Variants in KIF22 observed in about 807,000 individuals in gnomAD.
KIF22 encodes kinesin-like protein KIF22.
In KIF22, 62 loss-of-function variants were observed where a neutral mutation model predicts 73.0. The ratio of observed to expected loss-of-function variants is 0.85; its 90% CI spans 0.69 to 1.05. The LOEUF is 1.05. KIF22 is among the 50% of genes least tolerant of loss of function. The pLI is 0.00. For synonymous variants in KIF22, 411 were observed against 340.1 expected, an observed-to-expected ratio of 1.21 and a Z score of -2.29; for missense variants, 854 against 870.1, an observed-to-expected ratio of 0.98 and a Z score of 0.23.
chr16:29,804,487 C>T (rs1567362739), intron 11 of KIF22: 3 of 644,844 alleles, frequency 4.7e-6, no homozygotes, highest in Non-Finnish European at 5.7e-6. Context: ...TTTTGAAAGA[C>T]AGCTTATTCT....
In KIF22 at chr16:29,804,832, C is replaced by A. The variant is rs1376835867; in HGVS notation, c.1696C>A (p.Leu566Ile). 6.2e-7 allele frequency: 1 copy of A among 1,611,626 alleles called. No homozygotes were observed. Among genetic ancestry groups the A allele is most frequent in the South Asian group, 1.1e-5 (1 of 90,688 alleles). The change falls in exon 12 of 14, where the codon CTA (leucine) becomes ATA (isoleucine). Residue 566 changes from leucine (L) to isoleucine (I), a missense_variant. By Grantham distance (5) the Leu-to-Ile change is conservative. Coordinates refer to ENST00000160827, the MANE Select transcript of KIF22 (RefSeq NM_007317.3). Reference sequence around the variant, plus strand: ...CTCCCAGCTGGAGTCCCTGGATGCCCTAGAGCCTGAGGAGAAGGCTGAGGA... The same window carrying A: ...CTCCCAGCTGGAGTCCCTGGATGCCATAGAGCCTGAGGAGAAGGCTGAGGA... Reference protein sequence around the residue: ...RKRKLESLDALEPEEKAEDCW... With the variant: ...RKRKLESLDAIEPEEKAEDCW...
Position 29,798,527 on chromosome 16 carries a change from T to A in KIF22, c.394+26T>A. On this transcript the variant is annotated intron_variant, in intron 3 of 13. Coordinates refer to ENST00000160827, the MANE Select transcript of KIF22 (RefSeq NM_007317.3). This position sits in a 1 kb window ranked among gnomAD's most constrained non-coding sequence, Gnocchi z 4.1. ...GTGAGGGAGCCAGAAAAGAAACAGC[T>A]ATGGGTCAGAAAGGGCTGGGGAAAC... 1 of 1,614,012 alleles carries A rather than the reference T, an allele frequency of 6.2e-7. No individual in the cohort carries two copies. Among genetic ancestry groups the A allele is most frequent in the Non-Finnish European group, 8.5e-7 (1 of 1,180,010 alleles).
chr16:29,803,947 G>C (rs1250932844), intron 10 of KIF22, 51 bp from the exon 11 acceptor site: 1 of 1,354,644 alleles, frequency 7.4e-7, no homozygotes, highest in East Asian at 2.3e-5. Flanking sequence ...CTACCAGGGA[G>C]GGTGAAAAGT....
At position 29,798,771 on chromosome 16, in the gene KIF22, G is replaced by A. The variant is rs766190550; in HGVS notation, c.549+24G>A. On this transcript the variant is annotated intron_variant, in intron 4 of 13. Coordinates refer to ENST00000160827, the MANE Select transcript of KIF22 (RefSeq NM_007317.3). The surrounding 1 kb of genome is among the most constrained non-coding windows in gnomAD (Gnocchi z 4.1). ...AGGTGAGGCCCCGTGCTGGTTGGGA[G>A]AGGAGCAACAAAGGGTCAAAGTAAG... 1.9e-6 allele frequency: 3 copies of A among 1,609,400 alleles called. No homozygotes were observed. The highest frequency in any genetic ancestry group is 1.7e-6 in the Non-Finnish European group (2 of 1,177,570).
At chr16:29,794,677 A>AT (rs1396292299) in intron 1 of KIF22, among the ~76,000 whole-genome samples, 1 of 151,868 alleles carries the variant, frequency 6.6e-6, no homozygotes, top group East Asian at 1.9e-4. Flanking sequence ...CACTTCCCGC[A>AT]TTCAAGCAAT....
chr16:29,805,311 CCGT>C lies in KIF22; in HGVS notation c.*6_*8del, dbSNP rs745669947. 6.2e-7 allele frequency: 1 copy of C among 1,613,116 alleles called. No individual in the cohort carries two copies. Among genetic ancestry groups the C allele is most frequent in the South Asian group, 1.1e-5 (1 of 91,088 alleles). On this transcript the variant is annotated 3_prime_UTR_variant, in exon 14 of 14. Transcript: ENST00000160827. ...CGGCCAGCGCTGTGGCGCCTCCTGA[CCGT>C]CGTCTCCTCACTCCGCCTTTTCAAA... is the stretch of plus-strand genomic sequence containing the variant.
At chr16:29,801,548 G>A (rs1373255291) in intron 8 of KIF22, among the ~76,000 whole-genome samples, 1 of 152,152 alleles carries the variant, frequency 6.6e-6, no homozygotes, top group African/African-American at 2.4e-5. Context: ...ACCCAGAAAT[G>A]TGCACAGGTA....
chr16:29,796,370 G>C (rs1260220024), intron 1 of KIF22, among the ~76,000 whole-genome samples: 2 of 150,822 alleles, frequency 1.3e-5, no homozygotes, highest in African/African-American at 4.9e-5. Context: ...TTAATCCTTA[G>C]AACAACCCTG....
intron 9 of KIF22, 102 bp downstream of exon 9, chr16:29,803,039 G>C (rs1899196826): frequency 8.4e-7 from 1 of 1,193,440 alleles, no homozygotes; most frequent in African/African-American, 1.5e-5. Context: ...CTAGAGTCCA[G>C]TTTTCTCCCA....
At chr16:29,794,076 A>G (rs1898890079) in intron 1 of KIF22, among the ~76,000 whole-genome samples, 2 of 152,210 alleles carry the variant, frequency 1.3e-5, no homozygotes. Flanking sequence ...AGTTGCTGCC[A>G]GGCACTGTGC....
chr16:29,802,806 C>G lies in KIF22; in HGVS notation c.1318C>G (p.Leu440Val). Residue 440 changes from leucine to valine, a missense_variant, in exon 9 of 14, where the codon CTG (leucine) becomes GTG (valine). Leu to Val is a conservative substitution (Grantham distance 32). This residue lies in a region of KIF22 where 423 missense variants were observed against 365.4 expected (regional missense o/e 1.16). Transcript: ENST00000160827. ...QKLSSMDPAM[L>V]ERLLSLDRLL... ...GCTAAGCAGCATGGACCCGGCCATG[C>G]TGGAGCGCCTCCTCAGCTTGGACCG... The G allele has an allele frequency of 6.2e-7, 1 of 1,605,556 alleles. No individual in the cohort carries two copies. Among genetic ancestry groups the G allele is most frequent in the Non-Finnish European group, 8.5e-7 (1 of 1,177,290 alleles).
chr16:29,805,051 G>A (rs546918554), intron 12 of KIF22, 25 bp downstream of exon 12: 3 of 1,610,618 alleles, frequency 1.9e-6, no homozygotes, highest in South Asian at 1.1e-5. Flanking sequence ...GACTGGGGGA[G>A]GGCGGGGGCG....
intron 1 of KIF22, among the ~76,000 whole-genome samples, chr16:29,796,553 T>TC (rs1424043408): frequency 2.8e-5 from 4 of 143,384 alleles, no homozygotes; most frequent in South Asian, 2.2e-4. Flanking sequence ...TCTCTCTCTC[T>TC]TTTTTTTTTT....
intron 9 of KIF22, among the ~76,000 whole-genome samples, 199 bp downstream of exon 9, chr16:29,803,136 A>G (rs1205660957): frequency 6.6e-6 from 1 of 152,122 alleles, no homozygotes; most frequent in East Asian, 1.9e-4. Context: ...GAGGGTGAGA[A>G]GAAAAAGTTC....
In KIF22 at chr16:29,797,153, C is replaced by A; in HGVS notation, c.266+65C>A. On this transcript the variant is annotated intron_variant, in intron 2 of 13. Transcript: ENST00000160827. The surrounding 1 kb of genome is among the most constrained non-coding windows in gnomAD (Gnocchi z 4.1). ...TCCCTCTCCTAGGCCTGCCCACGTT[C>A]CCCTGCCTCCCCAGGATCCTTGCTC... 1 of 1,197,456 alleles carries A rather than the reference C, an allele frequency of 8.4e-7. No individual in the cohort carries two copies. Among genetic ancestry groups the A allele is most frequent in the Non-Finnish European group, 1.2e-6 (1 of 851,702 alleles). 74.2% of individuals were successfully genotyped at this position (1,197,456 alleles called of 1,614,324 possible).
rs777593519 is a variant in KIF22 at position 29,797,010 on chromosome 16, C to T, written c.188C>T (p.Pro63Leu). 1 of 1,613,772 alleles carries T rather than the reference C, an allele frequency of 6.2e-7. No individual in the cohort carries two copies. The highest frequency in any genetic ancestry group is 8.5e-7 in the Non-Finnish European group (1 of 1,179,902). Residue 63 changes from proline (P) to leucine (L), a missense_variant, in exon 2 of 14, where the codon CCC becomes CTC. Transcript: ENST00000160827. This position sits in a 1 kb window ranked among gnomAD's most constrained non-coding sequence, Gnocchi z 4.1. ...FVDGTAGASD[P>L]PCVRGMDSCS... ...GATGGAACAGCGGGAGCAAGTGATCCCCCCTGTGTGCGGGGCATGGACAGC... is the reference window on the plus strand; with the variant it reads ...GATGGAACAGCGGGAGCAAGTGATCTCCCCTGTGTGCGGGGCATGGACAGC...
In KIF22 at chr16:29,797,848, G is replaced by A. The variant is rs573178280; in HGVS notation, c.267-526G>A. Among the ~76,000 whole-genome samples, 5 of 152,264 alleles carry A rather than the reference G, an allele frequency of 3.3e-5. No homozygotes were observed. Among genetic ancestry groups the A allele is most frequent in the South Asian group, 4.1e-4 (2 of 4,828 alleles). On this transcript the variant is annotated intron_variant, in intron 2 of 13. Transcript: ENST00000160827. The surrounding 1 kb of genome is among the most constrained non-coding windows in gnomAD (Gnocchi z 4.1). Reference sequence around the variant, plus strand: ...CTAAGCTGCACTTCTCCACCAGAACGCAGTGGATAGGTGATTGGTATGTAG... The same window carrying A: ...CTAAGCTGCACTTCTCCACCAGAACACAGTGGATAGGTGATTGGTATGTAG...
intron 1 of KIF22, chr16:29,792,426 G>C (rs1898842128): frequency 1.0e-6 from 1 of 984,682 alleles, no homozygotes; most frequent in African/African-American, 1.7e-5. Context: ...GAACAAGCCA[G>C]TGATTAGTAG....
Position 29,803,485 on chromosome 16 carries a change from A to G in KIF22, c.1486A>G (p.Met496Val), listed in dbSNP as rs1205296351. Residue 496 changes from methionine (M) to valine (V), a missense_variant, in exon 10 of 14, where the codon ATG (methionine) becomes GTG (valine). Met to Val is a conservative substitution (Grantham distance 21). Around this residue, in one of 3 missense-constraint regions of KIF22, gnomAD observed 423 missense variants for 365.4 expected, o/e 1.16. Transcript: ENST00000160827. ...KTKQKELEAK[M>V]LAQKAEEKEN... ...GAAGCAAAAAGAACTGGAGGCCAAG[A>G]TGTTGGCCCAGAAGGCTGAGGAAAA... 1.9e-6 allele frequency: 3 copies of G among 1,614,088 alleles called. No individual in the cohort carries two copies. The highest frequency in any genetic ancestry group is 4.5e-5 in the East Asian group (2 of 44,888).
Sources: gnomAD v4.1 joint callset for allele counts (sites outside exome capture counted in the v4.1 genomes callset) on GRCh38, gnomAD v4.1.1 for gene constraint, gnomAD v4.1.1 regional missense constraint, Gnocchi (gnomAD v3.1) non-coding constraint, MANE v1.5 for transcripts, NCBI Gene and HGNC (gene_info 2026-07-23, HGNC 2026-07-21) for gene names.